RBFOX2: variants seen among roughly 807,000 people sequenced by gnomAD.
The protein encoded by RBFOX2 is RNA binding fox-1 homolog 2.
A neutral mutation model predicts 49.1 loss-of-function variants in RBFOX2; 10 were observed. That is an observed-to-expected ratio of 0.20 (90% CI 0.13 to 0.35). The LOEUF (loss-of-function observed/expected upper bound fraction) is 0.35. Among genes scored for constraint, RBFOX2 ranks in the 10% least tolerant of loss-of-function variants. The pLI, the probability that RBFOX2 is intolerant of heterozygous loss-of-function variation, is 1.00. For missense variants in RBFOX2, 323 were observed against 486.9 expected, an observed-to-expected ratio of 0.66 and a Z score of 3.17; for synonymous variants, 183 against 187.4, an observed-to-expected ratio of 0.98 and a Z score of 0.19.
chr22:35,906,645 T>A (rs200887431), intron 1 of RBFOX2, among the ~76,000 whole-genome samples: 2 of 152,122 alleles, frequency 1.3e-5, no homozygotes, highest in East Asian at 3.9e-4. Context: ...TGAAACCCCA[T>A]CTCTACTAAA....
At chr22:36,009,394 G>A (rs1013936329) in intron 1 of RBFOX2, among the ~76,000 whole-genome samples, 1 of 151,852 alleles carries the variant, frequency 6.6e-6, no homozygotes, top group African/African-American at 2.4e-5. Context: ...TTTTTTTTGA[G>A]ACAGGGTTTC....
At chr22:35,941,526 T>C (rs146095191), upstream of RBFOX2, among the ~76,000 whole-genome samples, 2,450 of 152,298 alleles carry the variant, frequency 0.016, 32 homozygotes, top group Middle Eastern at 0.051. Flanking sequence ...ACCCCTGTTC[T>C]TTCCATTTTT....
chr22:35,773,455 GATAA>G (rs1403342537), intron 4 of RBFOX2, among the ~76,000 whole-genome samples: 1 of 151,946 alleles, frequency 6.6e-6, no homozygotes, highest in African/African-American at 2.4e-5. Context: ...ATAAAGAAAA[GATAA>G]ATATTTAAGG....
At chr22:35,756,641 A>C (rs73411985) in intron 9 of RBFOX2, among the ~76,000 whole-genome samples, 2 of 152,104 alleles carry the variant, frequency 1.3e-5, no homozygotes, top group African/African-American at 4.8e-5. Context: ...TTTTTACATT[A>C]CGTTTAAGTA....
chr22:35,940,631 T>C (rs1490828242), upstream of RBFOX2, among the ~76,000 whole-genome samples: 4 of 151,964 alleles, frequency 2.6e-5, no homozygotes, highest in Non-Finnish European at 4.4e-5. Context: ...CAAAATAATA[T>C]ACATGAATGT....
At chr22:35,828,921 C>CG (rs1956289991) in intron 1 of RBFOX2, among the ~76,000 whole-genome samples, 1 of 151,804 alleles carries the variant, frequency 6.6e-6, no homozygotes, top group Non-Finnish European at 1.5e-5. Context: ...CGTGGTGGTA[C>CG]GCACCTGTAA....
intron 1 of RBFOX2, among the ~76,000 whole-genome samples, chr22:35,945,793 G>C (rs1365281392): frequency 6.6e-6 from 1 of 152,088 alleles, no homozygotes; most frequent in African/African-American, 2.4e-5. Context: ...CAAACCATAA[G>C]AGTTCAAAAT....
upstream of RBFOX2, among the ~76,000 whole-genome samples, chr22:35,845,563 T>A (rs866771276): frequency 6.6e-6 from 1 of 152,130 alleles, no homozygotes; most frequent in South Asian, 2.1e-4. Flanking sequence ...AATCAAAAAA[T>A]TTAATTCACA....
chr22:35,832,921 AAAATAGCTAG>A (rs774236349), intron 1 of RBFOX2, among the ~76,000 whole-genome samples: 2 of 152,236 alleles, frequency 1.3e-5, no homozygotes, highest in Non-Finnish European at 2.9e-5. Context: ...TGTGTATTTC[AAAATAGCTAG>A]AAGGGGAGAT....
At chr22:35,775,422 G>A (rs1261207369) in intron 4 of RBFOX2, among the ~76,000 whole-genome samples, 1 of 152,172 alleles carries the variant, frequency 6.6e-6, no homozygotes, top group African/African-American at 2.4e-5. Context: ...GAAAAATGGG[G>A]CAGTGAGGAC....
At chr22:35,868,142 T>C (rs950225446) in intron 1 of RBFOX2, among the ~76,000 whole-genome samples, 1 of 152,074 alleles carries the variant, frequency 6.6e-6, no homozygotes, top group Non-Finnish European at 1.5e-5. Flanking sequence ...GCCCAGAAAG[T>C]TGAGGCTGTA....
At chr22:36,001,890 C>T (rs2058440164) in intron 1 of RBFOX2, among the ~76,000 whole-genome samples, 4 of 152,068 alleles carry the variant, frequency 2.6e-5, no homozygotes, top group Admixed American at 2.6e-4. Flanking sequence ...ATGGTGAAAC[C>T]CCGTCTCTAC....
At chr22:35,766,293 T>C (rs780967652) in intron 5 of RBFOX2, among the ~76,000 whole-genome samples, 1 of 152,182 alleles carries the variant, frequency 6.6e-6, no homozygotes, top group Non-Finnish European at 1.5e-5. Flanking sequence ...CTCAAAGCTC[T>C]TGCAAGGAGG....
At chr22:35,866,933 TG>T (rs2043755498) in intron 1 of RBFOX2, among the ~76,000 whole-genome samples, 1 of 152,214 alleles carries the variant, frequency 6.6e-6, no homozygotes, top group Admixed American at 6.5e-5. Context: ...AGAGAGCCCT[TG>T]GAGCCCTACA....
Position 35,862,377 on chromosome 22 carries a change from A to AG in RBFOX2, c.-33-52374dup, listed in dbSNP as rs200607881. Among the ~76,000 whole-genome samples, 726 of 92,036 alleles carry AG rather than the reference A, an allele frequency of 7.9e-3. 4 individuals carry two copies. Among genetic ancestry groups the AG allele is most frequent in the Middle Eastern group, 0.024 (4 of 164 alleles). The allele number at this position is 92,036 out of a possible 152,430, so 60.4% of individuals were successfully genotyped here. A position where few individuals can be genotyped will look rare whatever the true frequency, so the allele number is the denominator to read the frequency against. On this transcript the variant is annotated intron_variant, in intron 1 of 13. Transcript: ENST00000359369. ...TTGAAGGGTTAGTTATTTTCTTTGGAGGGGGGGGGGAATGATAAAAGGAGA... is the reference window on the plus strand; with the variant it reads ...TTGAAGGGTTAGTTATTTTCTTTGGAGGGGGGGGGGGAATGATAAAAGGAGA...
At chr22:35,907,726 C>A (rs1297303037) in intron 1 of RBFOX2, among the ~76,000 whole-genome samples, 2 of 152,080 alleles carry the variant, frequency 1.3e-5, no homozygotes, top group Non-Finnish European at 2.9e-5. Context: ...CAGCTCACTG[C>A]AACCTTCACC....
At chr22:35,934,387 G>T (rs75601699) in intron 1 of RBFOX2, among the ~76,000 whole-genome samples, 15,622 of 151,872 alleles carry the variant, frequency 0.1, 1,506 homozygotes, top group African/African-American at 0.26. Flanking sequence ...TTAACCCACG[G>T]CCTACTAGTT....
At chr22:35,972,098 A>T (rs1254554609) in intron 1 of RBFOX2, among the ~76,000 whole-genome samples, 1 of 152,016 alleles carries the variant, frequency 6.6e-6, no homozygotes, top group East Asian at 1.9e-4. Context: ...AACATAAAGC[A>T]TTCAGAGAGC....
chr22:35,995,307 T>C (rs935046331), intron 1 of RBFOX2: 2 of 152,144 alleles, frequency 1.3e-5, no homozygotes, highest in African/African-American at 4.8e-5. Flanking sequence ...AGGAAATAAA[T>C]GGGGAAAAAC....
Sources: allele counts gnomAD v4.1 joint callset (sites outside exome capture counted in the v4.1 genomes callset), GRCh38; gene constraint gnomAD v4.1.1; transcripts MANE v1.5; gene names NCBI Gene and HGNC (gene_info 2026-07-23, HGNC 2026-07-21).